KLF13: variants seen among roughly 807,000 people sequenced by gnomAD.
The protein encoded by KLF13 is Krueppel-like factor 13.
KLF13 carries 8 observed loss-of-function variants against 16.7 expected under a neutral mutation model. The observed-to-expected ratio is 0.48, with a 90% CI of 0.28 to 0.87. KLF13 has a LOEUF of 0.87. Ranked by LOEUF, KLF13 falls within the 40% of genes least tolerant of loss-of-function variation. The pLI, the probability that KLF13 is intolerant of heterozygous loss-of-function variation, is 0.10. For missense variants in KLF13, 447 were observed against 452.2 expected, an observed-to-expected ratio of 0.99 and a Z score of 0.10; for synonymous variants, 245 against 208.4, an observed-to-expected ratio of 1.18 and a Z score of -1.51.
intron 1 of KLF13, among the ~76,000 whole-genome samples, chr15:31,427,499 GTGA>G (rs2040414155): frequency 6.6e-6 from 1 of 152,128 alleles, no homozygotes; most frequent in Non-Finnish European, 1.5e-5. Flanking sequence ...GGCTTTCAAA[GTGA>G]TGTTTGCACA....
At chr15:31,347,474 G>T (rs1394238754) in intron 1 of KLF13, among the ~76,000 whole-genome samples, 2 of 152,290 alleles carry the variant, frequency 1.3e-5, no homozygotes, top group African/African-American at 4.8e-5. Flanking sequence ...GCACCCTCAG[G>T]GGGCTGGGCT....
chr15:31,434,454 G>A (rs2040506530), intron 1 of KLF13, among the ~76,000 whole-genome samples: 1 of 152,156 alleles, frequency 6.6e-6, no homozygotes, highest in African/African-American at 2.4e-5. Flanking sequence ...GTTCGAATCA[G>A]GTGCTTGCCC....
exon 2 of KLF13, chr15:31,435,452 C>A (rs1431037449): frequency 6.6e-6 from 1 of 152,100 alleles, no homozygotes; most frequent in Non-Finnish European, 1.5e-5. Flanking sequence ...CGGTTTTCCG[C>A]CCCCTAGGGT....
At chr15:31,383,585 T>C (rs1221517987) in intron 1 of KLF13, among the ~76,000 whole-genome samples, 2 of 152,234 alleles carry the variant, frequency 1.3e-5, no homozygotes, top group Non-Finnish European at 2.9e-5. Context: ...AGAACAACAT[T>C]AAAAGAAAGT....
At chr15:31,340,603 A>G (rs8027539) in intron 1 of KLF13, among the ~76,000 whole-genome samples, 47,946 of 152,182 alleles carry the variant, frequency 0.32, 7,856 homozygotes, top group East Asian at 0.47. Flanking sequence ...GTGTTTAAGA[A>G]AAAACTCGTG....
At chr15:31,425,698 A>G (rs550912432) in intron 1 of KLF13, among the ~76,000 whole-genome samples, 50 of 152,128 alleles carry the variant, frequency 3.3e-4, no homozygotes, top group Admixed American at 5.2e-4. Flanking sequence ...CCAACATGGT[A>G]AAACCCCGTC....
At chr15:31,399,051 C>T (rs112636486) in intron 2 of KLF13, among the ~76,000 whole-genome samples, 71 of 152,288 alleles carry the variant, frequency 4.7e-4, no homozygotes, top group African/African-American at 1.7e-3. Flanking sequence ...ACGGTGCTGG[C>T]TGCCCTAGAG....
chr15:31,399,412 A>C (rs1239717349), intron 2 of KLF13, among the ~76,000 whole-genome samples: 1 of 152,122 alleles, frequency 6.6e-6, no homozygotes, highest in African/African-American at 2.4e-5. Context: ...TGATCCACCC[A>C]CCTCGGCCTC....
intron 2 of KLF13, among the ~76,000 whole-genome samples, chr15:31,394,215 G>A (rs1411016903): frequency 1.3e-5 from 2 of 152,110 alleles, no homozygotes; most frequent in African/African-American, 2.4e-5. Flanking sequence ...GGTGGCTCAC[G>A]CCTGAAATCC....
At chr15:31,349,244 G>A (rs2039177834) in intron 1 of KLF13, among the ~76,000 whole-genome samples, 1 of 152,210 alleles carries the variant, frequency 6.6e-6, no homozygotes, top group African/African-American at 2.4e-5. Flanking sequence ...TCCATCTGGG[G>A]GAATCCCAGG....
At chr15:31,368,699 T>G (rs941861318) in intron 1 of KLF13, among the ~76,000 whole-genome samples, 1 of 152,140 alleles carries the variant, frequency 6.6e-6, no homozygotes, top group African/African-American at 2.4e-5. Flanking sequence ...ACTAAAAATA[T>G]AAAAACTAGC....
At position 31,373,454 on chromosome 15, in the gene KLF13, G is replaced by A. The variant is rs1254369145; in HGVS notation, c.*1155G>A. On this transcript the variant is annotated 3_prime_UTR_variant, in exon 2 of 2. Coordinates refer to ENST00000307145, the MANE Select transcript of KLF13 (RefSeq NM_015995.4). ...GCATTCTATTTCCTCCGCAGGGAATGCCAGATAGAAAGTTGCGGGCAACAC... is the reference window on the plus strand; with the variant it reads ...GCATTCTATTTCCTCCGCAGGGAATACCAGATAGAAAGTTGCGGGCAACAC... 3 of 152,272 alleles carry A rather than the reference G, an allele frequency of 2.0e-5. No homozygotes were observed. The highest frequency in any genetic ancestry group is 4.4e-5 in the Non-Finnish European group (3 of 68,048). The allele number at this position is 152,272 out of a possible 1,614,324, so 9.4% of individuals were successfully genotyped here.
exon 3 of KLF13, chr15:31,403,929 T>C (rs2040076737): frequency 6.6e-6 from 1 of 152,250 alleles, no homozygotes; most frequent in Admixed American, 6.5e-5. Flanking sequence ...GCAGTTCGTC[T>C]GTGGGATGGC....
intron 1 of KLF13, among the ~76,000 whole-genome samples, chr15:31,361,032 C>T (rs768493961): frequency 4.1e-4 from 63 of 152,304 alleles, no homozygotes; most frequent in Non-Finnish European, 7.6e-4. Context: ...CTGGCTCCTT[C>T]CTCAGCTGCA....
intron 2 of KLF13, among the ~76,000 whole-genome samples, chr15:31,393,845 C>G (rs2039912210): frequency 6.6e-6 from 1 of 152,194 alleles, no homozygotes; most frequent in Admixed American, 6.5e-5. Flanking sequence ...GAGTCAAGGA[C>G]ATGCTGCCTG....
intron 1 of KLF13, among the ~76,000 whole-genome samples, chr15:31,334,176 A>G (rs2038886925): frequency 6.6e-6 from 1 of 152,196 alleles, no homozygotes; most frequent in Admixed American, 6.5e-5. Flanking sequence ...AACAGACAAG[A>G]CACCCTGATT....
chr15:31,329,605 T>C (rs1479263960), intron 1 of KLF13, among the ~76,000 whole-genome samples: 1 of 152,142 alleles, frequency 6.6e-6, no homozygotes, highest in Non-Finnish European at 1.5e-5. Context: ...CGCGAGCCTC[T>C]TGACTAGAAT....
chr15:31,412,459 CA>C (rs201951523), intron 1 of KLF13, among the ~76,000 whole-genome samples: 8 of 139,260 alleles, frequency 5.7e-5, no homozygotes, highest in African/African-American at 8.0e-5. Context: ...CGGAAAAGTC[CA>C]AAAAAAAACC....
exon 3 of KLF13, chr15:31,403,878 G>T (rs2040076019): frequency 6.6e-6 from 1 of 152,288 alleles, no homozygotes; most frequent in Non-Finnish European, 1.5e-5. Context: ...GTTAGCCAGT[G>T]GTTGTAAGTG....
Sources: gnomAD v4.1 joint callset for allele counts (sites outside exome capture counted in the v4.1 genomes callset) on GRCh38, gnomAD v4.1.1 for gene constraint, MANE v1.5 for transcripts, NCBI Gene and HGNC (gene_info 2026-07-23, HGNC 2026-07-21) for gene names.